The following SPPL2B variants were observed in gnomAD, a reference collection of about 807,000 sequenced individuals.
SPPL2B encodes signal peptide peptidase like 2B, also known as signal peptide peptidase-like 2B.
SPPL2B carries 39 observed loss-of-function variants against 59.7 expected under a neutral mutation model. The observed-to-expected ratio is 0.65, with a 90% CI of 0.51 to 0.85. SPPL2B has a LOEUF of 0.85. Among genes scored for constraint, SPPL2B ranks in the 40% least tolerant of loss-of-function variants. The pLI is 0.00. For synonymous variants in SPPL2B, 419 were observed against 370.8 expected (o/e 1.13, Z -1.49); for missense variants, 865 against 849.0 (o/e 1.02, Z -0.23).
intron 8 of SPPL2B, chr19:2,341,288 G>C: frequency 1.6e-6 from 1 of 634,826 alleles, no homozygotes. Context: ...CAGCCTGGAT[G>C]GGACTCCTTT....
chr19:2,340,984 T>G lies in SPPL2B; in HGVS notation c.926T>G (p.Val309Gly), dbSNP rs1402024318. ...LLALFCVAVS[V>G]VWGVFRNEDQ... ...GCGCTCTTCTGCGTGGCCGTCAGCG[T>G]GGTGTGGGGCGTCTTCCGCAACGAG... The change falls in exon 8 of 15, where the codon GTG becomes GGG. Residue 309 changes from valine (V) to glycine (G), a missense_variant. By Grantham distance (109) the Val-to-Gly change is moderately radical (BLOSUM62 -3). Transcript: ENST00000613503. The G allele has an allele frequency of 6.2e-7, 1 of 1,604,788 alleles. No individual in the cohort carries two copies. The highest frequency in any genetic ancestry group is 8.5e-7 in the Non-Finnish European group (1 of 1,179,542).
chr19:2,345,137 C>A, intron 12 of SPPL2B, 116 bp from the exon 13 acceptor site: 1 of 731,056 alleles, frequency 1.4e-6, no homozygotes, highest in Admixed American at 2.4e-5. Flanking sequence ...CAGCAGCCAC[C>A]AGGCAGCGAG....
At chr19:2,336,569 TGC>T (rs1178775149) in intron 2 of SPPL2B, among the ~76,000 whole-genome samples, 1 of 152,072 alleles carries the variant, frequency 6.6e-6, no homozygotes, top group Admixed American at 6.5e-5. Context: ...TAGGTGTGTG[TGC>T]GTGAGCTTGA....
intron 13 of SPPL2B, among the ~76,000 whole-genome samples, chr19:2,347,213 C>CCA (rs1174439941): frequency 1.4e-5 from 2 of 144,308 alleles, no homozygotes; most frequent in South Asian, 2.3e-4. Context: ...TTCTCTCCCT[C>CCA]CACACACACA....
chr19:2,350,158 TCA>T (rs1323281598), intron 13 of SPPL2B, among the ~76,000 whole-genome samples: 16 of 123,374 alleles, frequency 1.3e-4, no homozygotes, highest in African/African-American at 3.6e-4. Flanking sequence ...CCACACACAC[TCA>T]CGCGCTCTCA....
intron 13 of SPPL2B, among the ~76,000 whole-genome samples, chr19:2,346,870 A>G (rs947004149): frequency 1.3e-5 from 2 of 152,178 alleles, no homozygotes; most frequent in African/African-American, 4.8e-5. Context: ...AAATGGACCA[A>G]TAGGGACGCT....
Position 2,344,684 on chromosome 19 carries a change from G to A in SPPL2B, c.1276+32G>A, listed in dbSNP as rs549886602. The A allele has an allele frequency of 7.3e-5, 104 of 1,425,688 alleles. No individual in the cohort carries two copies. In the South Asian group the frequency reaches 9.4e-4, roughly 13 times the overall value. The allele number at this position is 1,425,688 out of a possible 1,614,324, so 88.3% of individuals were successfully genotyped here. A position where few individuals can be genotyped will look rare whatever the true frequency, so the allele number is the denominator to read the frequency against. Reference sequence around the variant, plus strand: ...AGGCGGGTGGAGCACACGGGTCCACGCTGTGGGGCAGGGCCCCGGGCGGCT... The same window carrying A: ...AGGCGGGTGGAGCACACGGGTCCACACTGTGGGGCAGGGCCCCGGGCGGCT... On this transcript the variant is annotated intron_variant, in intron 12 of 14. Coordinates refer to ENST00000613503, the MANE Select transcript of SPPL2B (RefSeq NM_152988.3).
intron 13 of SPPL2B, among the ~76,000 whole-genome samples, chr19:2,347,853 A>ACT (rs1297380218): frequency 4.5e-5 from 2 of 44,252 alleles, no homozygotes. Flanking sequence ...CTCCACACAC[A>ACT]CACACTCTCA....
rs558014606 is a variant in SPPL2B, at chr19:2,347,793, G to A, written c.1354+2463G>A. On this transcript the variant is annotated intron_variant, in intron 13 of 14. Transcript: ENST00000613503. The stretch of plus-strand genomic sequence containing the variant: ...CACACACTCTCATTCGCCTGATTCC[G>A]TTCTCTCTCTCCACACACACGCGCT... 1.3e-4 allele frequency among the ~76,000 whole-genome samples: 6 copies of A among 46,754 alleles called. No homozygotes were observed. The East Asian group carries it at 2.5e-3, about 20-fold the overall frequency. The allele number at this position is 46,754 out of a possible 152,430, so 30.7% of individuals were successfully genotyped here.
rs1377584979 is a variant in SPPL2B, at chr19:2,353,099, G to A, written c.1669G>A (p.Glu557Lys). ...GCAGTCCCCAAAATCACGCACGTCC[G>A]AGGAGATGGGGGCTGGAGCCCCCAT... ...AEQSPKSRTS[E>K]EMGAGAPMRE... is the part of the protein sequence containing the mutation. Residue 557 changes from glutamate (E) to lysine (K), a missense_variant, in exon 15 of 15, where the codon GAG (glutamate) becomes AAG (lysine). Coordinates refer to ENST00000613503, the MANE Select transcript of SPPL2B (RefSeq NM_152988.3). 7 of 1,611,204 alleles carry A rather than the reference G, an allele frequency of 4.3e-6. No individual in the cohort carries two copies. The highest frequency in any genetic ancestry group is 2.2e-5 in the South Asian group (2 of 90,996).
intron 14 of SPPL2B, among the ~76,000 whole-genome samples, chr19:2,352,313 C>T (rs1297212313): frequency 2.0e-5 from 3 of 152,180 alleles, no homozygotes; most frequent in South Asian, 2.1e-4. Flanking sequence ...GGGAGCAGCC[C>T]TGCGCCATAG....
chr19:2,334,730 C>A lies in SPPL2B; in HGVS notation c.186+9C>A. ...ACGACCTCAGCAAGGCAGTGAGTAC[C>A]CGCTGGCCGGGCGCCGCTGCGGAGG... On this transcript the variant is annotated intron_variant, in intron 2 of 14. Transcript: ENST00000613503. 6.3e-7 allele frequency: 1 copy of A among 1,577,658 alleles called. No individual in the cohort carries two copies. The highest frequency in any genetic ancestry group is 8.6e-7 in the Non-Finnish European group (1 of 1,161,722).
intron 3 of SPPL2B, chr19:2,338,385 T>A: frequency 1.2e-5 from 2 of 171,688 alleles, no homozygotes; most frequent in Admixed American, 6.1e-5. Flanking sequence ...GCCGTCGTAG[T>A]TGAGAGAGGC....
chr19:2,347,223 A>C (rs1235072920), intron 13 of SPPL2B, among the ~76,000 whole-genome samples: 1 of 137,410 alleles, frequency 7.3e-6, no homozygotes, highest in Non-Finnish European at 1.6e-5. Flanking sequence ...CCACACACAC[A>C]CTCACGCGCT....
At chr19:2,344,124 C>CCCCGCCCCCTCGT (rs1176287875) in intron 10 of SPPL2B, 85 bp downstream of exon 10, 12 of 729,386 alleles carry the variant, frequency 1.6e-5, no homozygotes, top group Non-Finnish European at 2.1e-5. Flanking sequence ...CCCCCCATCA[C>CCCCGCCCCCTCGT]CCCGCCCCCT....
At chr19:2,337,671 A>AG (rs771987541) in intron 3 of SPPL2B, 46 bp downstream of exon 3, 2 of 1,488,158 alleles carry the variant, frequency 1.3e-6, no homozygotes, top group Non-Finnish European at 1.8e-6. Context: ...CAGGGGCAGG[A>AG]GGGGGGTGCA....
chr19:2,335,343 C>T (rs1439415874), intron 2 of SPPL2B, among the ~76,000 whole-genome samples: 19 of 114,834 alleles, frequency 1.7e-4, no homozygotes, highest in South Asian at 3.7e-4. Flanking sequence ...TCATTTCCCA[C>T]TGCATCCTTC....
intron 2 of SPPL2B, among the ~76,000 whole-genome samples, chr19:2,335,405 C>A (rs1205695142): frequency 6.0e-5 from 8 of 133,872 alleles, no homozygotes; most frequent in Non-Finnish European, 1.3e-4. Flanking sequence ...TTCTTTCCCA[C>A]TGCATGCTTC....
At chr19:2,338,989 C>A in intron 4 of SPPL2B, 80 bp from the exon 5 acceptor site, 2 of 1,508,058 alleles carry the variant, frequency 1.3e-6, no homozygotes, top group South Asian at 1.3e-5. Flanking sequence ...CCAGCCCCAG[C>A]CCCACAGCCC....
Sources: gnomAD v4.1 joint callset for allele counts (sites outside exome capture counted in the v4.1 genomes callset) on GRCh38, gnomAD v4.1.1 for gene constraint, MANE v1.5 for transcripts, NCBI Gene and HGNC (gene_info 2026-07-23, HGNC 2026-07-21) for gene names.